The following SRGAP1 variants were observed in gnomAD, a reference collection of about 807,000 sequenced individuals.
SRGAP1 encodes the protein SLIT-ROBO Rho GTPase-activating protein 1.
In SRGAP1, 43 loss-of-function variants were observed where a neutral mutation model predicts 121.9. The observed-to-expected ratio is 0.35, with a 90% CI of 0.28 to 0.46. The LOEUF (loss-of-function observed/expected upper bound fraction) is 0.46. Ranked by LOEUF, SRGAP1 falls within the 20% of genes least tolerant of loss-of-function variation. The pLI, the probability that SRGAP1 is intolerant of heterozygous loss-of-function variation, is 1.00. For synonymous variants in SRGAP1, 447 were observed against 485.4 expected (o/e 0.92, Z 1.04); for missense variants, 1,102 against 1,350.9 (o/e 0.82, Z 2.89).
chr12:64,101,282 G>A (rs1223482618), intron 15 of SRGAP1, among the ~76,000 whole-genome samples: 7 of 148,896 alleles, frequency 4.7e-5, no homozygotes, highest in South Asian at 4.3e-4. Context: ...TTTCGCTTCC[G>A]TATTTTTGGA....
chr12:63,961,196 C>T (rs2032630266), intron 1 of SRGAP1, among the ~76,000 whole-genome samples: 1 of 152,170 alleles, frequency 6.6e-6, no homozygotes, highest in African/African-American at 2.4e-5. Context: ...GTATCAAGTG[C>T]TCCATAGCCA....
intron 8 of SRGAP1, among the ~76,000 whole-genome samples, chr12:64,067,956 GT>G (rs2035569349): frequency 6.6e-6 from 1 of 151,748 alleles, no homozygotes. Context: ...TTTCACCCAA[GT>G]TTTAAAAAGC....
chr12:64,043,525 A>G lies in SRGAP1; in HGVS notation c.751A>G (p.Asn251Asp), dbSNP rs377049218. Residue 251 changes from asparagine (N) to aspartate (D), a missense_variant, in exon 6 of 22, where the codon AAT (asparagine) becomes GAT (aspartate). Asn to Asp is a conservative substitution (Grantham distance 23). Coordinates refer to ENST00000355086, the MANE Select transcript of SRGAP1 (RefSeq NM_020762.4). ...NEYLLTLEAT[N>D]ASVFKYYIHD... The stretch of plus-strand genomic sequence containing the variant: ...ATATCTCCTAACACTTGAAGCCACC[A>G]ATGCCTCAGTTTTCAAGTACTATAT... 3.1e-6 allele frequency: 5 copies of G among 1,612,536 alleles called. No homozygotes were observed. The African/African-American group carries it at 6.7e-5, about 22-fold the overall frequency.
chr12:64,042,951 A>T lies in SRGAP1; in HGVS notation c.651A>T (p.Lys217Asn). 5.6e-6 allele frequency: 9 copies of T among 1,612,396 alleles called. No homozygotes were observed. Among genetic ancestry groups the T allele is most frequent in the Non-Finnish European group, 7.6e-6 (9 of 1,179,360 alleles). The change falls in exon 5 of 22, where the codon AAA becomes AAT. Residue 217 changes from lysine (K) to asparagine (N), a missense_variant. Around this residue, in one of 3 missense-constraint regions of SRGAP1, gnomAD observed 747 missense variants for 929.4 expected, o/e 0.80. Coordinates refer to ENST00000355086, the MANE Select transcript of SRGAP1 (RefSeq NM_020762.4). Reference sequence around the variant, plus strand: ...ATCAACGGCGAAGCTCTGTAAAGAAAATTGAAAAAATGAAAGAAAAAGTAA... The same window carrying T: ...ATCAACGGCGAAGCTCTGTAAAGAATATTGAAAAAATGAAAGAAAAAGTAA... ...ERHQRRSSVK[K>N]IEKMKEKRQA...
intron 1 of SRGAP1, among the ~76,000 whole-genome samples, chr12:63,907,919 G>T (rs2030296728): frequency 6.6e-6 from 1 of 152,102 alleles, no homozygotes; most frequent in African/African-American, 2.4e-5. Flanking sequence ...TTTTTTGCAT[G>T]TGGATATCCA....
chr12:64,095,110 C>T lies in SRGAP1; in HGVS notation c.1601-17C>T, dbSNP rs773458310. 3.9e-5 allele frequency: 63 copies of T among 1,613,448 alleles called. No individual in the cohort carries two copies. The highest frequency in any genetic ancestry group is 5.3e-5 in the Non-Finnish European group (62 of 1,179,660). On this transcript the variant is annotated splice_polypyrimidine_tract_variant and intron_variant, in intron 13 of 21. Coordinates refer to ENST00000355086, the MANE Select transcript of SRGAP1 (RefSeq NM_020762.4). The stretch of plus-strand genomic sequence containing the variant: ...TGTGATGGGGGTTTTATCCTCTTTC[C>T]CTTCTTTTCTCTTTAGGTCTTCAGC...
chr12:64,137,364 CAT>C (rs1463079483), intron 21 of SRGAP1, among the ~76,000 whole-genome samples: 1 of 151,858 alleles, frequency 6.6e-6, no homozygotes, highest in Admixed American at 6.6e-5. Flanking sequence ...AAAAAAAATC[CAT>C]ATGTTTAGCC....
At chr12:63,868,075 TTTTG>T (rs1899716952) in intron 1 of SRGAP1, among the ~76,000 whole-genome samples, 1 of 97,038 alleles carries the variant, frequency 1.0e-5, no homozygotes, top group East Asian at 4.3e-4. Context: ...TTTTTTTTTT[TTTTG>T]TTTTTTTTTT....
At chr12:63,885,625 A>G (rs1900351786) in intron 1 of SRGAP1, among the ~76,000 whole-genome samples, 1 of 152,228 alleles carries the variant, frequency 6.6e-6, no homozygotes, top group African/African-American at 2.4e-5. Context: ...TCTTTCCTTG[A>G]AGGTACGGGG....
chr12:64,090,870 T>C (rs566510615), intron 11 of SRGAP1, among the ~76,000 whole-genome samples: 1 of 152,254 alleles, frequency 6.6e-6, no homozygotes, highest in Admixed American at 6.5e-5. Context: ...CCTAAAAATG[T>C]TATATTTAAT....
At chr12:64,060,423 G>A (rs549293978) in intron 6 of SRGAP1, among the ~76,000 whole-genome samples, 1 of 151,806 alleles carries the variant, frequency 6.6e-6, no homozygotes, top group South Asian at 2.1e-4. Flanking sequence ...ACTCAGGCTG[G>A]TCTTGAACCC....
chr12:64,015,078 A>G (rs1054314547), intron 3 of SRGAP1, among the ~76,000 whole-genome samples: 1 of 152,058 alleles, frequency 6.6e-6, no homozygotes, highest in Non-Finnish European at 1.5e-5. Context: ...TGGCCTCCCA[A>G]AGTCCTGGGA....
At chr12:63,852,443 G>A (rs113256886) in intron 1 of SRGAP1, among the ~76,000 whole-genome samples, 1,967 of 152,342 alleles carry the variant, frequency 0.013, 12 homozygotes, top group Non-Finnish European at 0.018. Context: ...TGCTTTTAGA[G>A]TGGAGTGGGT....
intron 1 of SRGAP1, among the ~76,000 whole-genome samples, chr12:63,866,004 A>G (rs1047948994): frequency 1.3e-5 from 2 of 152,098 alleles, no homozygotes; most frequent in African/African-American, 2.4e-5. Flanking sequence ...TCCGATGGAG[A>G]AATAGTTTGT....
intron 4 of SRGAP1, among the ~76,000 whole-genome samples, chr12:64,035,701 T>C (rs923106952): frequency 1.3e-5 from 2 of 152,160 alleles, no homozygotes; most frequent in African/African-American, 2.4e-5. Flanking sequence ...CTTACTGATA[T>C]ATTGTTTTAG....
At chr12:63,939,695 C>T (rs1490736556) in intron 1 of SRGAP1, among the ~76,000 whole-genome samples, 4 of 152,136 alleles carry the variant, frequency 2.6e-5, no homozygotes, top group Non-Finnish European at 4.4e-5. Flanking sequence ...AGTTGTTTCT[C>T]AGGAGAAGAA....
chr12:64,161,900 G>A lies in SRGAP1; in HGVS notation c.*19228G>A, dbSNP rs540974512. 5.3e-5 allele frequency: 8 copies of A among 152,316 alleles called. No homozygotes were observed. In the East Asian group the frequency reaches 7.7e-4, roughly 15 times the overall value. The allele number at this position is 152,316 out of a possible 1,614,324, so 9.4% of individuals were successfully genotyped here. On this transcript the variant is annotated 3_prime_UTR_variant, in exon 22 of 22. Transcript: ENST00000355086. ...TTCTGTAATGAAGATGGGAAAGAACGGAGTACTGATACACGCTACAACATG... is the reference window on the plus strand; with the variant it reads ...TTCTGTAATGAAGATGGGAAAGAACAGAGTACTGATACACGCTACAACATG...
intron 3 of SRGAP1, among the ~76,000 whole-genome samples, chr12:64,000,236 A>AGG (rs1376790175): frequency 1.3e-3 from 111 of 88,040 alleles, no homozygotes; most frequent in African/African-American, 4.6e-3. Context: ...CAAGAAAGGT[A>AGG]GGGGTGTGTG....
Position 64,156,683 on chromosome 12 carries a change from C to T in SRGAP1, c.*14011C>T, listed in dbSNP as rs1209278387. 1 of 152,192 alleles carries T rather than the reference C, an allele frequency of 6.6e-6. No individual in the cohort carries two copies. The allele number at this position is 152,192 out of a possible 1,614,324, so 9.4% of individuals were successfully genotyped here. A position where few individuals can be genotyped will look rare whatever the true frequency, so the allele number is the denominator to read the frequency against. On this transcript the variant is annotated 3_prime_UTR_variant, in exon 22 of 22. Coordinates refer to ENST00000355086, the MANE Select transcript of SRGAP1 (RefSeq NM_020762.4). ...AGTACAACAGGGAATAATAAGCCAT[C>T]TATCTGAACGTGCACGGTTAGGGCC...
Sources: gnomAD v4.1 joint callset for allele counts (sites outside exome capture counted in the v4.1 genomes callset) on GRCh38, gnomAD v4.1.1 for gene constraint, gnomAD v4.1.1 regional missense constraint, MANE v1.5 for transcripts, NCBI Gene and HGNC (gene_info 2026-07-23, HGNC 2026-07-21) for gene names.